The following MS4A4A variants were observed in gnomAD, a reference collection of about 807,000 sequenced individuals.
MS4A4A encodes membrane-spanning 4-domains subfamily A member 4A.
Under a neutral mutation model 28.0 loss-of-function variants are expected in MS4A4A, and 26 were observed. The ratio of observed to expected loss-of-function variants is 0.93; its 90% CI spans 0.68 to 1.29. The LOEUF (loss-of-function observed/expected upper bound fraction) is 1.29. MS4A4A is among the 50% of genes most tolerant of loss of function. MS4A4A has a pLI of 0.00. For missense variants in MS4A4A, 290 were observed against 293.1 expected, an observed-to-expected ratio of 0.99 and a Z score of 0.08; for synonymous variants, 86 against 100.8, an observed-to-expected ratio of 0.85 and a Z score of 0.88.
chr11:60,303,905 T>C (rs547081344), intron 5 of MS4A4A, among the ~76,000 whole-genome samples: 14 of 152,306 alleles, frequency 9.2e-5, no homozygotes, highest in African/African-American at 3.4e-4. Context: ...ACTTCATTCC[T>C]AGCTAATTCT....
intron 1 of MS4A4A, among the ~76,000 whole-genome samples, chr11:60,290,854 T>C (rs181537535): frequency 1.2e-3 from 180 of 152,298 alleles, no homozygotes; most frequent in Admixed American, 2.5e-3. Context: ...AGGATGATAA[T>C]TTTTTCAGAG....
chr11:60,300,273 C>G (rs1204858297), intron 3 of MS4A4A, among the ~76,000 whole-genome samples: 1 of 152,082 alleles, frequency 6.6e-6, no homozygotes, highest in African/African-American at 2.4e-5. Flanking sequence ...ATATTCTAGT[C>G]ATCATCTAAT....
chr11:60,297,168 TCA>T, intron 2 of MS4A4A, 27 bp from the exon 3 acceptor site: 1 of 1,610,864 alleles, frequency 6.2e-7, no homozygotes. Flanking sequence ...TGGTGGACAA[TCA>T]GTTTTTGCTT....
chr11:60,288,372 C>T (rs1464465684), intron 1 of MS4A4A, among the ~76,000 whole-genome samples: 1 of 152,178 alleles, frequency 6.6e-6, no homozygotes, highest in Non-Finnish European at 1.5e-5. Context: ...TGCAAAACTA[C>T]TGTGGCACAG....
chr11:60,292,565 A>G (rs1208081462), intron 2 of MS4A4A, among the ~76,000 whole-genome samples, 181 bp downstream of exon 2: 2 of 152,196 alleles, frequency 1.3e-5, no homozygotes, highest in African/African-American at 2.4e-5. Flanking sequence ...ACATGCTTCC[A>G]GTTGAGTTAT....
At chr11:60,293,835 C>T (rs999107572) in intron 2 of MS4A4A, among the ~76,000 whole-genome samples, 1 of 152,078 alleles carries the variant, frequency 6.6e-6, no homozygotes, top group African/African-American at 2.4e-5. Context: ...ATTTCATTGT[C>T]TAGAAGCACC....
intron 1 of MS4A4A, among the ~76,000 whole-genome samples, chr11:60,281,105 A>T (rs1000829655): frequency 1.3e-5 from 2 of 152,090 alleles, no homozygotes; most frequent in Admixed American, 6.6e-5. Flanking sequence ...CTGACTGGTT[A>T]TTTTTATAAC....
chr11:60,300,975 A>T, intron 3 of MS4A4A, 26 bp from the exon 4 acceptor site: 10 of 1,543,364 alleles, frequency 6.5e-6, no homozygotes, highest in African/African-American at 1.4e-5. Flanking sequence ...AAAGTTTTTT[A>T]CCTTCATTTT....
chr11:60,296,010 G>A (rs750206053), intron 2 of MS4A4A, among the ~76,000 whole-genome samples: 1 of 152,068 alleles, frequency 6.6e-6, no homozygotes, highest in African/African-American at 2.4e-5. Flanking sequence ...CAGAGAATTA[G>A]TTAAGGAGTA....
Position 60,308,881 on chromosome 11 carries a change from C to T in MS4A4A, c.*703C>T, listed in dbSNP as rs2085032556. ...CACCTTCTACTGGGCATAATTATAT[C>T]TTAATCATATATGGAAATGTGCAAC... On this transcript the variant is annotated 3_prime_UTR_variant, in exon 7 of 7. Coordinates refer to ENST00000337908, the MANE Select transcript of MS4A4A (RefSeq NM_148975.3). 1 of 152,204 alleles carries T rather than the reference C, an allele frequency of 6.6e-6. No individual in the cohort carries two copies. Among genetic ancestry groups the T allele is most frequent in the South Asian group, 2.1e-4 (1 of 4,834 alleles). 9.4% of individuals were successfully genotyped at this position (152,204 alleles called of 1,614,324 possible). A position where few individuals can be genotyped will look rare whatever the true frequency, so the allele number is the denominator to read the frequency against.
chr11:60,283,987 G>A (rs1415139748), intron 1 of MS4A4A, among the ~76,000 whole-genome samples: 1 of 151,534 alleles, frequency 6.6e-6, no homozygotes, highest in Non-Finnish European at 1.5e-5. Flanking sequence ...ATTCCAAATT[G>A]GGTGGTTTCT....
Position 60,306,557 on chromosome 11 carries a change from A to T in MS4A4A, c.648+356A>T, listed in dbSNP as rs188003569. Among the ~76,000 whole-genome samples the T allele has an allele frequency of 5.1e-4, 78 of 152,326 alleles. 2 individuals carry two copies. Among genetic ancestry groups the T allele is most frequent in the Admixed American group, 3.4e-3 (52 of 15,306 alleles). On this transcript the variant is annotated intron_variant, in intron 6 of 6. Coordinates refer to ENST00000337908, the MANE Select transcript of MS4A4A (RefSeq NM_148975.3). ...GGGTTCACATGAACGGATGAGGTCC[A>T]TTCAGAATAATGCCTTTCTTGATAA...
chr11:60,292,109 G>C, intron 1 of MS4A4A, 116 bp from the exon 2 acceptor site: 1 of 1,265,518 alleles, frequency 7.9e-7, no homozygotes, highest in African/African-American at 1.5e-5. Context: ...CAGCTATTAT[G>C]ATATGGGAAG....
chr11:60,304,735 A>C (rs1372409942), intron 5 of MS4A4A, among the ~76,000 whole-genome samples: 2 of 152,214 alleles, frequency 1.3e-5, no homozygotes, highest in African/African-American at 4.8e-5. Flanking sequence ...AGCAGGTTTG[A>C]GTATGTGTGA....
At chr11:60,282,475 CAT>C (rs2084763062) in intron 1 of MS4A4A, 1 of 850,488 alleles carries the variant, frequency 1.2e-6, no homozygotes, top group Admixed American at 3.8e-5. Flanking sequence ...GACTAATCCA[CAT>C]GTGGGCAATG....
At position 60,285,413 on chromosome 11, in the gene MS4A4A, G is replaced by A. The variant is rs576343403; in HGVS notation, c.41+4697G>A. Among the ~76,000 whole-genome samples the A allele has an allele frequency of 2.0e-5, 3 of 152,284 alleles. No individual in the cohort carries two copies. The South Asian group carries it at 6.2e-4, about 32-fold the overall frequency. Reference sequence around the variant, plus strand: ...CAGCTACTTGGGTGGCTGAGGTCGAGGCTGCAGTGAGTCACGATAGTGCCA... The same window carrying A: ...CAGCTACTTGGGTGGCTGAGGTCGAAGCTGCAGTGAGTCACGATAGTGCCA... On this transcript the variant is annotated intron_variant, in intron 1 of 6. Coordinates refer to ENST00000337908, the MANE Select transcript of MS4A4A (RefSeq NM_148975.3).
chr11:60,281,175 G>A (rs747974949), intron 1 of MS4A4A, among the ~76,000 whole-genome samples: 2 of 152,166 alleles, frequency 1.3e-5, no homozygotes, highest in Non-Finnish European at 2.9e-5. Flanking sequence ...GTAGGGCACA[G>A]GCAGGGTCCC....
chr11:60,296,554 A>G (rs2135023647), intron 2 of MS4A4A, among the ~76,000 whole-genome samples: 1 of 151,962 alleles, frequency 6.6e-6, no homozygotes, highest in Non-Finnish European at 1.5e-5. Context: ...CTTAAGGTAG[A>G]CTCTCAGGAG....
chr11:60,295,377 T>G (rs866302392), intron 2 of MS4A4A, among the ~76,000 whole-genome samples: 17 of 152,108 alleles, frequency 1.1e-4, no homozygotes, highest in Admixed American at 1.0e-3. Flanking sequence ...GTTTGTTAGT[T>G]CCAGGAATTT....
Sources: allele counts gnomAD v4.1 joint callset (sites outside exome capture counted in the v4.1 genomes callset), GRCh38; gene constraint gnomAD v4.1.1; transcripts MANE v1.5; gene names NCBI Gene and HGNC (gene_info 2026-07-23, HGNC 2026-07-21).